The following KIAA1549L variants were observed in gnomAD, a reference collection of about 807,000 sequenced individuals.
The protein encoded by KIAA1549L is UPF0606 protein KIAA1549L.
KIAA1549L carries 88 observed loss-of-function variants against 160.7 expected under a neutral mutation model. The ratio of observed to expected loss-of-function variants is 0.55; its 90% confidence interval spans 0.46 to 0.65. The LOEUF (loss-of-function observed/expected upper bound fraction) is 0.65, where lower values mean the gene tolerates loss of function less well. Ranked by LOEUF, KIAA1549L falls within the 30% of genes least tolerant of loss-of-function variation. The pLI, the probability that KIAA1549L is intolerant of heterozygous loss-of-function variation, is 0.00. For missense variants in KIAA1549L, 2,258 were observed against 2,437.5 expected (o/e 0.93, Z 1.55); for synonymous variants, 950 against 976.7 (o/e 0.97, Z 0.51).
At chr11:33,401,570 CT>C (rs1184407188) in intron 1 of KIAA1549L, among the ~76,000 whole-genome samples, 71 of 143,876 alleles carry the variant, frequency 4.9e-4, no homozygotes, top group Admixed American at 7.7e-4. Flanking sequence ...TCTGTCCTAG[CT>C]TTTTTTTTTT....
chr11:33,594,451 G>C (rs1241805073), intron 12 of KIAA1549L, among the ~76,000 whole-genome samples: 1 of 152,180 alleles, frequency 6.6e-6, no homozygotes, highest in Admixed American at 6.5e-5. Flanking sequence ...GATCAACTGG[G>C]CTGACTTGTT....
intron 1 of KIAA1549L, among the ~76,000 whole-genome samples, chr11:33,422,066 C>T (rs886293122): frequency 1.3e-5 from 2 of 152,278 alleles, no homozygotes; most frequent in East Asian, 3.9e-4. Flanking sequence ...ATCCCTCCCC[C>T]ATGAAGTCCA....
chr11:33,526,041 A>G (rs920310326), intron 1 of KIAA1549L, among the ~76,000 whole-genome samples: 3 of 151,674 alleles, frequency 2.0e-5, no homozygotes, highest in African/African-American at 2.4e-5. Context: ...GTTTTTCTCT[A>G]CCCACCCTGG....
chr11:33,599,093 GGA>G (rs1363913619), intron 13 of KIAA1549L, 146 bp downstream of exon 13: 2 of 902,374 alleles, frequency 2.2e-6, no homozygotes, highest in Non-Finnish European at 3.3e-6. Flanking sequence ...ACAAGGGCCA[GGA>G]GTCTGTATGT....
intron 11 of KIAA1549L, among the ~76,000 whole-genome samples, chr11:33,590,071 G>C (rs762794820): frequency 2.6e-5 from 4 of 152,136 alleles, no homozygotes; most frequent in African/African-American, 4.8e-5. Context: ...AACTAATATT[G>C]ATTGAGCACT....
intron 1 of KIAA1549L, among the ~76,000 whole-genome samples, chr11:33,388,820 G>A (rs1233761705): frequency 1.3e-5 from 2 of 152,086 alleles, no homozygotes; most frequent in East Asian, 1.9e-4. Context: ...TTCTCTAGAC[G>A]ATACTTCTGC....
chr11:33,547,972 C>A, intron 4 of KIAA1549L, 93 bp downstream of exon 4: 1 of 786,332 alleles, frequency 1.3e-6, no homozygotes, highest in Non-Finnish European at 2.1e-6. Flanking sequence ...TTCTAGGGAT[C>A]ATAACAACAC....
intron 1 of KIAA1549L, among the ~76,000 whole-genome samples, chr11:33,478,411 G>T (rs375709436): frequency 2.0e-5 from 3 of 152,358 alleles, no homozygotes; most frequent in East Asian, 1.9e-4. Flanking sequence ...GAACCCGTTG[G>T]GGGAGGAACA....
intron 1 of KIAA1549L, among the ~76,000 whole-genome samples, chr11:33,529,291 T>C (rs1302558650): frequency 1.3e-5 from 2 of 151,708 alleles, no homozygotes; most frequent in South Asian, 4.2e-4. Context: ...GCCATGAGCA[T>C]GCTACTGCAC....
intron 16 of KIAA1549L, among the ~76,000 whole-genome samples, chr11:33,618,904 A>C (rs1850891457): frequency 6.6e-6 from 1 of 152,260 alleles, no homozygotes; most frequent in African/African-American, 2.4e-5. Context: ...ATAGCACATT[A>C]CGGACTTTAA....
At chr11:33,599,010 C>T (rs1590383780) in intron 13 of KIAA1549L, 63 bp downstream of exon 13, 10 of 1,573,306 alleles carry the variant, frequency 6.4e-6, no homozygotes, top group East Asian at 4.5e-5. Context: ...CACACACATG[C>T]GTGCACACGT....
intron 19 of KIAA1549L, among the ~76,000 whole-genome samples, chr11:33,659,401 G>A (rs10836095): frequency 0.28 from 42,694 of 151,974 alleles, 6,105 homozygotes; most frequent in South Asian, 0.37. Flanking sequence ...ATTTCTCCAG[G>A]TTGCTATACA....
At chr11:33,651,289 T>C (rs182738373) in intron 17 of KIAA1549L, among the ~76,000 whole-genome samples, 5 of 152,036 alleles carry the variant, frequency 3.3e-5, no homozygotes, top group African/African-American at 1.2e-4. Context: ...ATAGAAAAAT[T>C]AGCCAGGCAT....
chr11:33,521,138 G>A lies in KIAA1549L; in HGVS notation c.239-20664G>A, dbSNP rs575997730. On this transcript the variant is annotated intron_variant, in intron 1 of 20. Transcript: ENST00000658780. ...GTGAACTATGATCTCGCCACTGCAC[G>A]CCAGCCCAGGAAACAGAGCAAGACC... 3.3e-5 allele frequency among the ~76,000 whole-genome samples: 5 copies of A among 152,114 alleles called. No individual in the cohort carries two copies. In the East Asian group the frequency reaches 5.8e-4, roughly 18 times the overall value.
chr11:33,651,393 C>G (rs1191783351), intron 17 of KIAA1549L, among the ~76,000 whole-genome samples: 1 of 151,170 alleles, frequency 6.6e-6, no homozygotes, highest in Non-Finnish European at 1.5e-5. Flanking sequence ...GCCGAGATCA[C>G]GCCATTGCAC....
At chr11:33,474,078 C>T (rs1000849269) in intron 1 of KIAA1549L, among the ~76,000 whole-genome samples, 17 of 152,252 alleles carry the variant, frequency 1.1e-4, no homozygotes, top group African/African-American at 3.8e-4. Flanking sequence ...GCTCTTTAAA[C>T]AACCAGCTGT....
intron 15 of KIAA1549L, among the ~76,000 whole-genome samples, chr11:33,615,525 A>G (rs1411377656): frequency 6.6e-6 from 1 of 152,130 alleles, no homozygotes; most frequent in Non-Finnish European, 1.5e-5. Flanking sequence ...TCTCTACCTG[A>G]GAGTCTAATT....
intron 10 of KIAA1549L, among the ~76,000 whole-genome samples, chr11:33,576,072 G>A (rs946913158): frequency 1.3e-5 from 2 of 152,084 alleles, no homozygotes; most frequent in Admixed American, 6.5e-5. Context: ...TAAAGAGAGT[G>A]GGGGAAGGGG....
intron 1 of KIAA1549L, among the ~76,000 whole-genome samples, chr11:33,440,567 A>G (rs1488957974): frequency 1.3e-5 from 2 of 152,250 alleles, no homozygotes; most frequent in African/African-American, 4.8e-5. Flanking sequence ...AATATATGTA[A>G]TTAGAATCCA....
Sources: gnomAD v4.1 joint callset for allele counts (sites outside exome capture counted in the v4.1 genomes callset) on GRCh38, gnomAD v4.1.1 for gene constraint, MANE v1.5 for transcripts, NCBI Gene and HGNC (gene_info 2026-07-23, HGNC 2026-07-21) for gene names.